GLG1: variants seen among roughly 807,000 people sequenced by gnomAD.
GLG1 encodes the protein golgi glycoprotein 1, also known as Golgi apparatus protein 1.
A neutral mutation model predicts 160.5 loss-of-function variants in GLG1; 38 were observed. That is an observed-to-expected ratio of 0.24 (90% confidence interval 0.18 to 0.31). The LOEUF (loss-of-function observed/expected upper bound fraction) is 0.31. Among genes scored for constraint, GLG1 ranks in the 10% least tolerant of loss-of-function variants. The probability of loss-of-function intolerance (pLI) is 1.00; values close to 1 mark genes in which losing one functional copy is unlikely to be tolerated. For synonymous variants in GLG1, 644 were observed against 543.4 expected (o/e 1.19, Z -2.57); for missense variants, 1,373 against 1,505.2 (o/e 0.91, Z 1.45).
At chr16:74,508,623 A>G (rs941661439) in intron 3 of GLG1, among the ~76,000 whole-genome samples, 4 of 152,178 alleles carry the variant, frequency 2.6e-5, no homozygotes, top group Non-Finnish European at 4.4e-5. Flanking sequence ...ATAGAACCTG[A>G]TTTCCAACTG....
At chr16:74,470,355 T>C (rs1366404244) in intron 15 of GLG1, among the ~76,000 whole-genome samples, 3 of 138,548 alleles carry the variant, frequency 2.2e-5, no homozygotes, top group African/African-American at 5.2e-5. Context: ...CCTTCCTTCC[T>C]TCCCTCCTTC....
intron 1 of GLG1, among the ~76,000 whole-genome samples, chr16:74,558,131 T>C (rs2018403238): frequency 6.6e-6 from 1 of 152,246 alleles, no homozygotes; most frequent in African/African-American, 2.4e-5. Context: ...TATATACTTA[T>C]GTACCTAAGA....
chr16:74,475,960 T>A (rs571582927), intron 12 of GLG1, among the ~76,000 whole-genome samples: 1 of 152,214 alleles, frequency 6.6e-6, no homozygotes, highest in East Asian at 1.9e-4. Flanking sequence ...GACAGGTGGA[T>A]TGCCTGAGCT....
intron 1 of GLG1, among the ~76,000 whole-genome samples, chr16:74,598,509 G>C (rs1305310625): frequency 2.0e-5 from 3 of 147,100 alleles, no homozygotes; most frequent in South Asian, 4.3e-4. Flanking sequence ...GACAGAATGA[G>C]ACTCCATCTC....
intron 9 of GLG1, among the ~76,000 whole-genome samples, chr16:74,483,649 C>CTTTCT (rs942227602): frequency 6.6e-6 from 1 of 151,366 alleles, no homozygotes; most frequent in Non-Finnish European, 1.5e-5. Context: ...AAATATTTTC[C>CTTTCT]TTTCTTTTCT....
intron 1 of GLG1, among the ~76,000 whole-genome samples, chr16:74,578,858 A>C (rs1957872452): frequency 6.6e-6 from 1 of 152,214 alleles, no homozygotes; most frequent in Non-Finnish European, 1.5e-5. Flanking sequence ...TTTTGAAATA[A>C]CTTTTTCTCC....
intron 2 of GLG1, among the ~76,000 whole-genome samples, chr16:74,512,505 T>C (rs2016846644): frequency 6.6e-6 from 1 of 152,070 alleles, no homozygotes; most frequent in Non-Finnish European, 1.5e-5. Context: ...CCTCGTGATC[T>C]GCTGGCTTCC....
chr16:74,477,989 T>TAAATAAATAAATAAAC (rs2015452349), intron 11 of GLG1, among the ~76,000 whole-genome samples: 1 of 149,896 alleles, frequency 6.7e-6, no homozygotes, highest in African/African-American at 2.4e-5. Flanking sequence ...AATAAATAAA[T>TAAATAAATAAATAAAC]AAATAAATAA....
At chr16:74,581,764 T>A (rs1957943011) in intron 1 of GLG1, among the ~76,000 whole-genome samples, 1 of 151,856 alleles carries the variant, frequency 6.6e-6, no homozygotes, top group African/African-American at 2.4e-5. Context: ...TACAAAAAAT[T>A]AGCTGGGCTT....
intron 1 of GLG1, chr16:74,563,188 G>A (rs1375388977): frequency 6.6e-6 from 1 of 152,156 alleles, no homozygotes; most frequent in Admixed American, 6.5e-5. Flanking sequence ...ACTTTTATTT[G>A]TGAAAACTTT....
At chr16:74,581,660 C>CA in intron 1 of GLG1, among the ~76,000 whole-genome samples, 1 of 152,062 alleles carries the variant, frequency 6.6e-6, no homozygotes, top group Non-Finnish European at 1.5e-5. Context: ...AAGGAAACCC[C>CA]AGCACCTCGG....
chr16:74,467,646 G>A (rs2015047346), intron 18 of GLG1, 110 bp downstream of exon 18: 2 of 716,298 alleles, frequency 2.8e-6, no homozygotes, highest in Non-Finnish European at 4.8e-6. Context: ...TGTCTCACCA[G>A]CAAAAAATTC....
intron 1 of GLG1, among the ~76,000 whole-genome samples, chr16:74,537,384 AACAG>A (rs930778364): frequency 2.0e-5 from 3 of 152,130 alleles, no homozygotes; most frequent in Admixed American, 1.3e-4. Flanking sequence ...CCTCACAAAA[AACAG>A]AAAACAAAAA....
chr16:74,603,280 C>T (rs1958486505), intron 1 of GLG1, among the ~76,000 whole-genome samples: 1 of 150,912 alleles, frequency 6.6e-6, no homozygotes, highest in African/African-American at 2.4e-5. Flanking sequence ...CGAGGTGGTG[C>T]GTGCCTGTAA....
At chr16:74,484,794 T>G (rs8053599) in intron 9 of GLG1, among the ~76,000 whole-genome samples, 36,823 of 152,010 alleles carry the variant, frequency 0.24, 4,768 homozygotes, top group Middle Eastern at 0.35. Flanking sequence ...AATTGTATTT[T>G]TAGTAGAGAC....
chr16:74,501,061 A>G (rs1038818757), intron 4 of GLG1, among the ~76,000 whole-genome samples: 1 of 152,258 alleles, frequency 6.6e-6, no homozygotes, highest in African/African-American at 2.4e-5. Flanking sequence ...CAGTGGCAGC[A>G]AATTTGAAAC....
At chr16:74,559,131 A>G (rs917251965) in intron 1 of GLG1, among the ~76,000 whole-genome samples, 3 of 152,114 alleles carry the variant, frequency 2.0e-5, no homozygotes, top group Non-Finnish European at 2.9e-5. Flanking sequence ...ACAGCCTCCT[A>G]AAGTACAGGG....
intron 6 of GLG1, among the ~76,000 whole-genome samples, chr16:74,493,420 C>T (rs570866383): frequency 6.6e-6 from 1 of 152,324 alleles, no homozygotes; most frequent in East Asian, 1.9e-4. Flanking sequence ...TCTCACAGAT[C>T]CCAATATGTT....
At chr16:74,471,110 G>C in intron 15 of GLG1, 63 bp downstream of exon 15, 1 of 908,468 alleles carries the variant, frequency 1.1e-6, no homozygotes, top group South Asian at 1.3e-5. Flanking sequence ...TTCCAAAAAA[G>C]GAAAGGATTC....
Sources: allele counts gnomAD v4.1 joint callset (sites outside exome capture counted in the v4.1 genomes callset), GRCh38; gene constraint gnomAD v4.1.1; transcripts MANE v1.5; gene names NCBI Gene and HGNC (gene_info 2026-07-23, HGNC 2026-07-21).